The following IGSF21 variants were observed in gnomAD, a reference collection of about 807,000 sequenced individuals.
IGSF21 encodes the protein immunoglobulin superfamily member 21.
In IGSF21, 28 loss-of-function variants were observed where a neutral mutation model predicts 46.8. The observed-to-expected ratio is 0.60, with a 90% CI of 0.44 to 0.82. The LOEUF (loss-of-function observed/expected upper bound fraction) is 0.82. Ranked by LOEUF, IGSF21 falls within the 40% of genes least tolerant of loss-of-function variation. The probability of loss-of-function intolerance (pLI) is 0.00; values close to 1 mark genes in which losing one functional copy is unlikely to be tolerated. For missense variants in IGSF21, 624 were observed against 665.5 expected, an observed-to-expected ratio of 0.94 and a Z score of 0.69; for synonymous variants, 284 against 273.6, an observed-to-expected ratio of 1.04 and a Z score of -0.38.
rs2085275770 is a variant in IGSF21 at position 18,292,360 on chromosome 1, G to T, written c.305+373G>T. Among the ~76,000 whole-genome samples, 5 of 152,258 alleles carry T rather than the reference G, an allele frequency of 3.3e-5. No individual in the cohort carries two copies. The South Asian group carries it at 1.0e-3, about 31-fold the overall frequency. On this transcript the variant is annotated intron_variant, in intron 3 of 9. Transcript: ENST00000251296. The stretch of plus-strand genomic sequence containing the variant: ...CACCGCTGGGCGGTGAAGCAGTTCT[G>T]CCCGGCTTGGAAGCTCAAACACCAC...
chr1:18,287,776 C>T (rs912972545), intron 2 of IGSF21, among the ~76,000 whole-genome samples: 1 of 152,168 alleles, frequency 6.6e-6, no homozygotes, highest in Admixed American at 6.5e-5. Flanking sequence ...ATTCTCGGTC[C>T]CTGCTCTCTG....
intron 1 of IGSF21, among the ~76,000 whole-genome samples, chr1:18,190,209 C>A (rs12567796): frequency 6.6e-6 from 1 of 152,118 alleles, no homozygotes; most frequent in Non-Finnish European, 1.5e-5. Context: ...AAGCTGGTCT[C>A]AGCTTCAGAG....
chr1:18,332,168 C>T (rs1023136091), intron 3 of IGSF21, among the ~76,000 whole-genome samples: 63 of 152,246 alleles, frequency 4.1e-4, no homozygotes, highest in African/African-American at 1.4e-3. Context: ...GTTGCCTAAA[C>T]ATGACACCTG....
chr1:18,333,325 A>G (rs534907153), intron 3 of IGSF21, among the ~76,000 whole-genome samples: 4 of 152,280 alleles, frequency 2.6e-5, no homozygotes, highest in Admixed American at 1.3e-4. Flanking sequence ...TATTTCCCCA[A>G]TGCAGCAATG....
At chr1:18,160,300 C>T (rs2086606122) in intron 1 of IGSF21, among the ~76,000 whole-genome samples, 1 of 152,186 alleles carries the variant, frequency 6.6e-6, no homozygotes, top group Non-Finnish European at 1.5e-5. Flanking sequence ...CTATACTTAT[C>T]CATAAAACGG....
intron 3 of IGSF21, among the ~76,000 whole-genome samples, chr1:18,319,657 CT>C (rs2085581143): frequency 6.6e-6 from 1 of 152,200 alleles, no homozygotes; most frequent in African/African-American, 2.4e-5. Flanking sequence ...AGTTTTGGTA[CT>C]TAATATAAGC....
In IGSF21 at chr1:18,334,118, AG is replaced by A. The variant is rs1422361668; in HGVS notation, c.306-772del. The stretch of plus-strand genomic sequence containing the variant: ...ACTTTTAGGAGAAAAGACTGAAAGC[AG>A]GTTTGAGGGGGTCTCTCCCATCCTT... On this transcript the variant is annotated intron_variant, in intron 3 of 9. Transcript: ENST00000251296. The surrounding 1 kb of genome is among the most constrained non-coding windows in gnomAD (Gnocchi z 4.3). Among the ~76,000 whole-genome samples the A allele has an allele frequency of 6.6e-6, 1 of 152,192 alleles. No individual in the cohort carries two copies. Among genetic ancestry groups the A allele is most frequent in the Non-Finnish European group, 1.5e-5 (1 of 68,022 alleles).
intron 2 of IGSF21, among the ~76,000 whole-genome samples, 161 bp downstream of exon 2, chr1:18,228,171 T>TGGA (rs2084588822): frequency 6.6e-6 from 1 of 152,104 alleles, no homozygotes; most frequent in African/African-American, 2.4e-5. Flanking sequence ...GCTGACACCC[T>TGGA]CCTTGGGTAC....
intron 1 of IGSF21, among the ~76,000 whole-genome samples, chr1:18,135,889 G>A (rs1462578226): frequency 6.6e-6 from 1 of 152,314 alleles, no homozygotes; most frequent in East Asian, 1.9e-4. Flanking sequence ...CAGTGTAAAA[G>A]TGTTCCTATT....
At position 18,290,630 on chromosome 1, in the gene IGSF21, C is replaced by T. The variant is rs1216691861; in HGVS notation, c.184-1236C>T. Among the ~76,000 whole-genome samples, 2 of 152,200 alleles carry T rather than the reference C, an allele frequency of 1.3e-5. No homozygotes were observed. Among genetic ancestry groups the T allele is most frequent in the African/African-American group, 2.4e-5 (1 of 41,460 alleles). On this transcript the variant is annotated intron_variant, in intron 2 of 9. Coordinates refer to ENST00000251296, the MANE Select transcript of IGSF21 (RefSeq NM_032880.5). This position sits in a 1 kb window ranked among gnomAD's most constrained non-coding sequence, Gnocchi z 4.2. ...CTCTCCTAAACCAGTAGCAACACCACCTAGGTCAGAGAGATGTGGTCCAAG... is the reference window on the plus strand; with the variant it reads ...CTCTCCTAAACCAGTAGCAACACCATCTAGGTCAGAGAGATGTGGTCCAAG...
At chr1:18,368,527 A>AT (rs58062572) in intron 6 of IGSF21, among the ~76,000 whole-genome samples, 1 of 131,976 alleles carries the variant, frequency 7.6e-6, no homozygotes, top group Non-Finnish European at 1.6e-5. Context: ...AAAAAAAAAA[A>AT]GTTGGGGGGA....
chr1:18,304,895 A>G lies in IGSF21; in HGVS notation c.305+12908A>G, dbSNP rs115797779. Among the ~76,000 whole-genome samples the G allele has an allele frequency of 8.6e-3, 1,308 of 152,394 alleles. 11 individuals carry two copies. Among genetic ancestry groups the G allele is most frequent in the Non-Finnish European group, 0.014 (961 of 68,044 alleles). On this transcript the variant is annotated intron_variant, in intron 3 of 9. Coordinates refer to ENST00000251296, the MANE Select transcript of IGSF21 (RefSeq NM_032880.5). The stretch of plus-strand genomic sequence containing the variant: ...CCCAATTTAGTAAACAGTTCAGAAT[A>G]AAGTATTTGTTGCCGTGGTATTTCT...
At chr1:18,267,868 A>T (rs1290189008) in intron 2 of IGSF21, among the ~76,000 whole-genome samples, 1 of 152,284 alleles carries the variant, frequency 6.6e-6, no homozygotes, top group Non-Finnish European at 1.5e-5. Context: ...AGCCATGCTC[A>T]TTCACTCATG....
chr1:18,355,193 A>C (rs1030556678), intron 4 of IGSF21, among the ~76,000 whole-genome samples: 2 of 152,182 alleles, frequency 1.3e-5, no homozygotes, highest in East Asian at 3.9e-4. Context: ...ACAGTTTGAC[A>C]CAGGTTTGGG....
At position 18,335,188 on chromosome 1, in the gene IGSF21, G is replaced by T. The variant is rs918634628; in HGVS notation, c.424+178G>T. Among the ~76,000 whole-genome samples the T allele has an allele frequency of 2.6e-5, 4 of 152,204 alleles. No homozygotes were observed. The highest frequency in any genetic ancestry group is 9.6e-5 in the African/African-American group (4 of 41,454). On this transcript the variant is annotated intron_variant, in intron 4 of 9. Coordinates refer to ENST00000251296, the MANE Select transcript of IGSF21 (RefSeq NM_032880.5). The surrounding 1 kb of genome is among the most constrained non-coding windows in gnomAD (Gnocchi z 4.8). ...GGCAACCAGACCAAGCTGAGCCAAG[G>T]TGTGACCCGTGAAGTCTTGCCCCCC...
At position 18,173,183 on chromosome 1, in the gene IGSF21, G is replaced by T. The variant is rs534006331; in HGVS notation, c.71-54715G>T. ...GGTGCCTGTAGTCTCAGCTACTTGG[G>T]AGGCTGAGGCAGGAGAATGGCGTGA... On this transcript the variant is annotated intron_variant, in intron 1 of 9. Transcript: ENST00000251296. 2.0e-4 allele frequency among the ~76,000 whole-genome samples: 30 copies of T among 152,228 alleles called. No homozygotes were observed. The South Asian group carries it at 6.0e-3, about 31-fold the overall frequency.
chr1:18,269,498 G>C (rs2085022708), intron 2 of IGSF21, among the ~76,000 whole-genome samples: 1 of 152,118 alleles, frequency 6.6e-6, no homozygotes, highest in Non-Finnish European at 1.5e-5. Flanking sequence ...CAAGAAGTGA[G>C]ACTGAACAGA....
chr1:18,298,746 C>T (rs776822355), intron 3 of IGSF21, among the ~76,000 whole-genome samples: 4 of 152,190 alleles, frequency 2.6e-5, no homozygotes, highest in Non-Finnish European at 4.4e-5. Flanking sequence ...GCACAATAAG[C>T]GTTGGCTGCA....
chr1:18,241,101 G>T (rs191895634), intron 2 of IGSF21, among the ~76,000 whole-genome samples: 4 of 152,322 alleles, frequency 2.6e-5, no homozygotes, highest in African/African-American at 9.6e-5. Flanking sequence ...ACATTCAAAG[G>T]TGAGGCCAGG....
Sources: allele counts gnomAD v4.1 joint callset (sites outside exome capture counted in the v4.1 genomes callset), GRCh38; gene constraint gnomAD v4.1.1; non-coding constraint Gnocchi (gnomAD v3.1); transcripts MANE v1.5; gene names NCBI Gene and HGNC (gene_info 2026-07-23, HGNC 2026-07-21).